Variants in NPNT observed in about 807,000 individuals in gnomAD.
NPNT encodes nephronectin, also known as preosteoblast EGF-like repeat protein with MAM domain.
Under a neutral mutation model 68.6 loss-of-function variants are expected in NPNT, and 45 were observed. That is an observed-to-expected ratio of 0.66 (90% CI 0.52 to 0.84). The LOEUF (loss-of-function observed/expected upper bound fraction) is 0.84, where lower values mean the gene tolerates loss of function less well. NPNT is among the 40% of genes least tolerant of loss of function. NPNT has a pLI of 0.00. For synonymous variants in NPNT, 233 were observed against 253.3 expected, an observed-to-expected ratio of 0.92 and a Z score of 0.76; for missense variants, 672 against 714.8, an observed-to-expected ratio of 0.94 and a Z score of 0.68.
intron 2 of NPNT, among the ~76,000 whole-genome samples, chr4:105,917,839 C>T (rs1208726203): frequency 6.6e-6 from 1 of 152,062 alleles, no homozygotes; most frequent in Non-Finnish European, 1.5e-5. Flanking sequence ...GGAAATGAGG[C>T]CAATGGGATA....
chr4:105,935,863 A>G (rs964000776), intron 3 of NPNT, among the ~76,000 whole-genome samples: 1 of 152,222 alleles, frequency 6.6e-6, no homozygotes, highest in Non-Finnish European at 1.5e-5. Flanking sequence ...CAGATTTCTA[A>G]TAAATGAGCA....
In NPNT at chr4:105,938,422, T is replaced by C; in HGVS notation, c.505+2T>C. 1 of 1,612,158 alleles carries C rather than the reference T, an allele frequency of 6.2e-7. No individual in the cohort carries two copies. The highest frequency in any genetic ancestry group is 1.1e-5 in the South Asian group (1 of 90,812). On this transcript the variant is annotated splice_donor_variant, in intron 5 of 11. Coordinates refer to ENST00000379987, the MANE Select transcript of NPNT (RefSeq NM_001033047.3). LOFTEE classifies it high-confidence loss of function. ...CTCCTGATGGGAGGACCTGTGTAGG[T>C]GAGTTGTAAAATCAAGCATCTCTGT...
intron 2 of NPNT, among the ~76,000 whole-genome samples, chr4:105,920,630 C>T (rs1369667807): frequency 1.3e-5 from 2 of 151,778 alleles, no homozygotes; most frequent in African/African-American, 4.8e-5. Context: ...ACTTGAGATG[C>T]ACATATACAG....
At chr4:105,922,953 G>A (rs1056909070) in intron 2 of NPNT, among the ~76,000 whole-genome samples, 2 of 152,010 alleles carry the variant, frequency 1.3e-5, no homozygotes, top group African/African-American at 4.8e-5. Context: ...CATCAAATAC[G>A]GCCCAAACTT....
intron 2 of NPNT, among the ~76,000 whole-genome samples, chr4:105,907,174 A>G (rs1175751505): frequency 6.6e-6 from 1 of 152,198 alleles, no homozygotes; most frequent in African/African-American, 2.4e-5. Flanking sequence ...GCATATCAAC[A>G]TCCCGTACCC....
intron 8 of NPNT, among the ~76,000 whole-genome samples, chr4:105,948,121 T>C (rs1164736819): frequency 2.6e-5 from 4 of 152,232 alleles, no homozygotes; most frequent in Non-Finnish European, 4.4e-5. Flanking sequence ...TTATGGTTTT[T>C]TTTCTTATCC....
rs145925351 is a variant in NPNT at position 105,951,417 on chromosome 4, C to T, written c.1160-7054C>T. On this transcript the variant is annotated intron_variant, in intron 8 of 11. Coordinates refer to ENST00000379987, the MANE Select transcript of NPNT (RefSeq NM_001033047.3). ...CTGCGTGTTGTCCTGAGGTTTTTCC[C>T]CTCATCTCTCTTCTACAGATTTTAC... Among the ~76,000 whole-genome samples, 137 of 152,236 alleles carry T rather than the reference C, an allele frequency of 9.0e-4. 2 individuals carry two copies. The East Asian group carries it at 0.021, about 23-fold the overall frequency.
intron 2 of NPNT, chr4:105,902,793 C>G (rs915353599): frequency 3.3e-5 from 5 of 152,116 alleles, no homozygotes; most frequent in African/African-American, 1.2e-4. Flanking sequence ...CCTTTTCAAA[C>G]AGGTAATTTG....
chr4:105,926,939 A>G (rs1728725467), intron 2 of NPNT: 1 of 153,044 alleles, frequency 6.5e-6, no homozygotes, highest in African/African-American at 2.4e-5. Context: ...TATTTCATAC[A>G]TACTTAGTAC....
At chr4:105,906,616 CT>C (rs1163004626) in intron 2 of NPNT, among the ~76,000 whole-genome samples, 1 of 152,136 alleles carries the variant, frequency 6.6e-6, no homozygotes, top group Non-Finnish European at 1.5e-5. Context: ...TAACAATGTT[CT>C]GAAGTTTGCT....
intron 3 of NPNT, among the ~76,000 whole-genome samples, chr4:105,936,797 C>T (rs1729526942): frequency 6.6e-6 from 1 of 152,136 alleles, no homozygotes; most frequent in African/African-American, 2.4e-5. Flanking sequence ...AAACAGAGAT[C>T]CATAAAGGTC....
At chr4:105,967,728 G>T (rs543902821) in intron 11 of NPNT, among the ~76,000 whole-genome samples, 244 of 151,372 alleles carry the variant, frequency 1.6e-3, no homozygotes, top group South Asian at 1.9e-3. Flanking sequence ...AGTTTTTTTG[G>T]TTTTTTTTAA....
intron 8 of NPNT, among the ~76,000 whole-genome samples, chr4:105,956,347 T>G (rs1196457544): frequency 2.6e-5 from 4 of 152,054 alleles, no homozygotes; most frequent in African/African-American, 4.8e-5. Flanking sequence ...TTCTTCCCCT[T>G]TCAGTTTAAA....
chr4:105,906,417 A>G (rs755826236), intron 2 of NPNT, among the ~76,000 whole-genome samples: 3 of 152,182 alleles, frequency 2.0e-5, no homozygotes, highest in Non-Finnish European at 4.4e-5. Flanking sequence ...TCAACATAAG[A>G]TGAGGCCCTT....
At chr4:105,913,593 G>T (rs1727552234) in intron 2 of NPNT, among the ~76,000 whole-genome samples, 3 of 152,148 alleles carry the variant, frequency 2.0e-5, no homozygotes, top group Admixed American at 2.0e-4. Context: ...TATTATTAGT[G>T]TGTTCTCAAT....
At chr4:105,944,319 T>G (rs1335273781) in intron 8 of NPNT, among the ~76,000 whole-genome samples, 3 of 152,196 alleles carry the variant, frequency 2.0e-5, no homozygotes, top group Non-Finnish European at 4.4e-5. Context: ...ACAATGGGAT[T>G]TTTAATTTAT....
At position 105,961,746 on chromosome 4, in the gene NPNT, A is replaced by G. The variant is rs1016797899; in HGVS notation, c.1345+2620A>G. Among the ~76,000 whole-genome samples, 12 of 152,290 alleles carry G rather than the reference A, an allele frequency of 7.9e-5. 1 individual carries two copies. Among genetic ancestry groups the G allele is most frequent in the Admixed American group, 7.2e-4 (11 of 15,290 alleles). ...AAAGGAAGAGATGCCTGCTTGAGTG[A>G]TTGGATAACTCGTGATGATTGGCTA... On this transcript the variant is annotated intron_variant, in intron 10 of 11. Transcript: ENST00000379987.
chr4:105,896,008 C>A, intron 1 of NPNT: 1 of 453,776 alleles, frequency 2.2e-6, no homozygotes, highest in South Asian at 3.2e-5. Flanking sequence ...GCCGCTGGAG[C>A]CTGGGATCTC....
At chr4:105,922,535 C>G (rs1318488805) in intron 2 of NPNT, among the ~76,000 whole-genome samples, 1 of 151,830 alleles carries the variant, frequency 6.6e-6, no homozygotes, top group African/African-American at 2.4e-5. Context: ...CAGGTGCCCA[C>G]CACCACACCT....
Sources: allele counts gnomAD v4.1 joint callset (sites outside exome capture counted in the v4.1 genomes callset), GRCh38; gene constraint gnomAD v4.1.1; transcripts MANE v1.5; gene names NCBI Gene and HGNC (gene_info 2026-07-23, HGNC 2026-07-21).